Variants in HTT observed in about 807,000 individuals in gnomAD.
HTT encodes the protein huntington disease protein.
Under a neutral mutation model 362.3 loss-of-function variants are expected in HTT, and 104 were observed. That is an observed-to-expected ratio of 0.29 (90% CI 0.24 to 0.34). HTT has a LOEUF of 0.34. Ranked by LOEUF, HTT falls within the 10% of genes least tolerant of loss-of-function variation. HTT has a pLI of 1.00. For missense variants in HTT, 3,301 were observed against 3,928.6 expected, an observed-to-expected ratio of 0.84 and a Z score of 4.27; for synonymous variants, 1,577 against 1,548.7, an observed-to-expected ratio of 1.02 and a Z score of -0.43.
chr4:3,229,468 C>T (rs1721120727), intron 59 of HTT, among the ~76,000 whole-genome samples: 1 of 148,008 alleles, frequency 6.8e-6, no homozygotes, highest in Non-Finnish European at 1.5e-5. Flanking sequence ...TGTGCATGCA[C>T]CAGACACATG....
chr4:3,211,626 T>C (rs778840675), intron 47 of HTT, among the ~76,000 whole-genome samples: 1 of 152,152 alleles, frequency 6.6e-6, no homozygotes, highest in Non-Finnish European at 1.5e-5. Flanking sequence ...TTTTTATGAA[T>C]TAAAATTGTC....
Position 3,228,918 on chromosome 4 carries a change from A to G in HTT, c.8018A>G (p.Gln2673Arg), listed in dbSNP as rs1397035194. The change falls in exon 59 of 67, where the codon CAG (glutamine) becomes CGG (arginine). Residue 2673 changes from glutamine (Q) to arginine (R), a missense_variant. Coordinates refer to ENST00000355072, the MANE Select transcript of HTT (RefSeq NM_001388492.1). This position sits in a 1 kb window ranked among gnomAD's most constrained non-coding sequence, Gnocchi z 4.3. ...RAGVDIHSCS[Q>R]FLLELYSRWI... ...GGAGTTGACATCCACTCCTGTTCGC[A>G]GTTTTTGCTTGAGTTGTACAGCCGC... 1 of 1,613,756 alleles carries G rather than the reference A, an allele frequency of 6.2e-7. No individual in the cohort carries two copies. Among genetic ancestry groups the G allele is most frequent in the Non-Finnish European group, 8.5e-7 (1 of 1,179,804 alleles).
intron 40 of HTT, among the ~76,000 whole-genome samples, chr4:3,195,570 T>C (rs893986159): frequency 6.6e-6 from 1 of 152,042 alleles, no homozygotes; most frequent in African/African-American, 2.4e-5. Context: ...CTCGGGACCC[T>C]AGGAAGGGAG....
rs772429544 is a variant in HTT at position 3,074,945 on chromosome 4, ACCGCCG to A, written c.138_143del (p.Pro48_Pro49del). ...AGCAGCAGCAGCAGCAACAGCCGCC[ACCGCCG>A]CCGCCGCCGCCGCCGCCTCCTCAGC... On this transcript the variant is annotated inframe_deletion, in exon 1 of 67. Coordinates refer to ENST00000355072, the MANE Select transcript of HTT (RefSeq NM_001388492.1). 9.2e-5 allele frequency: 112 copies of A among 1,214,982 alleles called. 1 individual carries two copies. Among genetic ancestry groups the A allele is most frequent in the South Asian group, 1.6e-4 (12 of 73,254 alleles). The allele number at this position is 1,214,982 out of a possible 1,614,324, so 75.3% of individuals were successfully genotyped here. A position where few individuals can be genotyped will look rare whatever the true frequency, so the allele number is the denominator to read the frequency against.
In HTT at chr4:3,132,708, A is replaced by G. The variant is rs1195871692; in HGVS notation, c.2383A>G (p.Arg795Gly). Residue 795 changes from arginine (R) to glycine (G), a missense_variant, in exon 17 of 67, where the codon AGA becomes GGA. Physicochemically the swap from Arg to Gly is moderately radical, Grantham distance 125 (BLOSUM62 -2). This residue lies in a region of HTT where 2,316 missense variants were observed against 2,658.5 expected (regional missense o/e 0.87). Transcript: ENST00000355072. ...CGTGGGAGATTGGATGGGCACCATT[A>G]GAACCCTCACAGGTAACGGCCAGTT... ...FHVGDWMGTIRTLTGNTFSLA... is the reference protein window; with the variant it reads ...FHVGDWMGTIGTLTGNTFSLA... The G allele has an allele frequency of 1.2e-5, 20 of 1,614,128 alleles. No homozygotes were observed. The East Asian group carries it at 4.0e-4, about 32-fold the overall frequency.
At chr4:3,201,731 G>A (rs1719543462) in intron 41 of HTT, among the ~76,000 whole-genome samples, 1 of 152,172 alleles carries the variant, frequency 6.6e-6, no homozygotes, top group South Asian at 2.1e-4. Flanking sequence ...ATAGAGAGCA[G>A]AGCTGTTCTG....
Position 3,230,055 on chromosome 4 carries a change from T to C in HTT, c.8265+13T>C. On this transcript the variant is annotated intron_variant, in intron 60 of 66. Transcript: ENST00000355072. Reference sequence around the variant, plus strand: ...CGTCCTTGGGATGGTAAGTGACAGGTGGCACAGAGGTTTCTGTGCTGAAGC... The same window carrying C: ...CGTCCTTGGGATGGTAAGTGACAGGCGGCACAGAGGTTTCTGTGCTGAAGC... 1 of 1,612,566 alleles carries C rather than the reference T, an allele frequency of 6.2e-7. No homozygotes were observed. The highest frequency in any genetic ancestry group is 2.2e-5 in the East Asian group (1 of 44,874).
intron 30 of HTT, 146 bp downstream of exon 30, chr4:3,172,543 A>C (rs1403173357): frequency 2.0e-5 from 14 of 698,750 alleles, no homozygotes; most frequent in South Asian, 1.3e-4. Flanking sequence ...TCAGTCCATG[A>C]TTGAGCCAAG....
Position 3,209,946 on chromosome 4 carries a change from C to A in HTT, c.6411C>A (p.Asn2137Lys), listed in dbSNP as rs753152305. The change falls in exon 47 of 67, where the codon AAC becomes AAA. Residue 2137 changes from asparagine (N) to lysine (K), a missense_variant. Asn to Lys is a moderately conservative substitution (Grantham distance 94, BLOSUM62 0). Around this residue, in one of 4 missense-constraint regions of HTT, gnomAD observed 2,316 missense variants for 2,658.5 expected, o/e 0.87. Transcript: ENST00000355072. Reference protein sequence around the residue: ...PAEDMNAFMMNSEFNLSLLAP... With the variant: ...PAEDMNAFMMKSEFNLSLLAP... ...AAGATATGAATGCCTTCATGATGAA[C>A]TCGGTACGGGGGGAGCAGTGGAGGC... The A allele has an allele frequency of 6.2e-7, 1 of 1,613,772 alleles. No homozygotes were observed. The highest frequency in any genetic ancestry group is 8.5e-7 in the Non-Finnish European group (1 of 1,179,804).
chr4:3,190,355 C>CA (rs112330064), intron 40 of HTT, among the ~76,000 whole-genome samples: 3,519 of 132,046 alleles, frequency 0.027, 91 homozygotes, highest in African/African-American at 0.072. Flanking sequence ...AAAAAAAATC[C>CA]AAAAAAAAAA....
At position 3,154,366 on chromosome 4, in the gene HTT, G is replaced by C; in HGVS notation, c.3572G>C (p.Gly1191Ala). The change falls in exon 27 of 67, where the codon GGA becomes GCA. Residue 1191 changes from glycine to alanine, a missense_variant. By Grantham distance (60) the Gly-to-Ala change is moderately conservative (BLOSUM62 0). Transcript: ENST00000355072. ...IRRKGKEKEP[G>A]EQASVPLSPK... The stretch of plus-strand genomic sequence containing the variant: ...CGAAAGGGGAAGGAGAAAGAACCAG[G>C]AGAACAAGCATCTGTACCGTTGAGT... 1 of 1,613,844 alleles carries C rather than the reference G, an allele frequency of 6.2e-7. No individual in the cohort carries two copies. Among genetic ancestry groups the C allele is most frequent in the Non-Finnish European group, 8.5e-7 (1 of 1,179,874 alleles).
intron 20 of HTT, 118 bp downstream of exon 20, chr4:3,136,085 A>T: frequency 1.1e-6 from 1 of 917,228 alleles, no homozygotes; most frequent in Non-Finnish European, 1.7e-6. Flanking sequence ...TTCACAGTTT[A>T]TATCATGAAA....
In HTT at chr4:3,220,318, G is replaced by A; in HGVS notation, c.7369+10G>A. ...CGCATCAACACACTAGGTACTCTTGGGGCCTCTCCTTCAGGTCACCATTGT... is the reference window on the plus strand; with the variant it reads ...CGCATCAACACACTAGGTACTCTTGAGGCCTCTCCTTCAGGTCACCATTGT... On this transcript the variant is annotated intron_variant, in intron 53 of 66. Transcript: ENST00000355072. 1 of 1,609,828 alleles carries A rather than the reference G, an allele frequency of 6.2e-7. No homozygotes were observed. Among genetic ancestry groups the A allele is most frequent in the African/African-American group, 1.3e-5 (1 of 74,982 alleles).
chr4:3,225,678 G>A lies in HTT; in HGVS notation c.7783G>A (p.Glu2595Lys), dbSNP rs752505044. Reference sequence around the variant, plus strand: ...GTTCACAGGTGCCCTCATCAGCCACGAGAAGCTGCTGCTACAGATCAACCC... The same window carrying A: ...GTTCACAGGTGCCCTCATCAGCCACAAGAAGCTGCTGCTACAGATCAACCC... ...PATTGALISH[E>K]KLLLQINPER... Residue 2595 changes from glutamate to lysine, a missense_variant, in exon 57 of 67, where the codon GAG becomes AAG. This residue lies in a region of HTT where 753 missense variants were observed against 1,021.3 expected (regional missense o/e 0.74). Transcript: ENST00000355072. 5.6e-6 allele frequency: 9 copies of A among 1,614,076 alleles called. No individual in the cohort carries two copies. In the Admixed American group the frequency reaches 1.3e-4, roughly 24 times the overall value.
rs768427619 is a variant in HTT at position 3,199,859 on chromosome 4, G to C, written c.5496G>C (p.Leu1832=). The C allele has an allele frequency of 6.2e-7, 1 of 1,614,118 alleles. No homozygotes were observed. Residue 1832 remains leucine, a synonymous_variant, in exon 41 of 67, where the codon CTG becomes CTC. Transcript: ENST00000355072. ...ARSMITTHPA[L]VLLWCQILLL... is the part of the protein sequence containing the mutation. ...CCATGATCACCACCCACCCGGCCCTGGTGCTGCTCTGGTGTCAGATACTGC... is the reference window on the plus strand; with the variant it reads ...CCATGATCACCACCCACCCGGCCCTCGTGCTGCTCTGGTGTCAGATACTGC...
chr4:3,228,558 C>G lies in HTT; in HGVS notation c.7849-57C>G. ...CTGAGTCCCAGTGGCCACACCCACC[C>G]ACCAGGAGCCTGGCACTGTGGCCGC... On this transcript the variant is annotated intron_variant, in intron 57 of 66. Coordinates refer to ENST00000355072, the MANE Select transcript of HTT (RefSeq NM_001388492.1). This position sits in a 1 kb window ranked among gnomAD's most constrained non-coding sequence, Gnocchi z 4.3. 1 of 1,508,106 alleles carries G rather than the reference C, an allele frequency of 6.6e-7. No homozygotes were observed. Among genetic ancestry groups the G allele is most frequent in the Non-Finnish European group, 8.9e-7 (1 of 1,128,128 alleles). 93.4% of individuals were successfully genotyped at this position (1,508,106 alleles called of 1,614,324 possible). A position where few individuals can be genotyped will look rare whatever the true frequency, so the allele number is the denominator to read the frequency against.
Position 3,154,432 on chromosome 4 carries a change from G to T in HTT, c.3625+13G>T, listed in dbSNP as rs201492983. On this transcript the variant is annotated intron_variant, in intron 27 of 66. Coordinates refer to ENST00000355072, the MANE Select transcript of HTT (RefSeq NM_001388492.1). ...GAGGCCAGTGCAGGTAGGAAACAGCGTGGGGAAGGGAGGGACATGAGTGCA... is the reference window on the plus strand; with the variant it reads ...GAGGCCAGTGCAGGTAGGAAACAGCTTGGGGAAGGGAGGGACATGAGTGCA... The T allele has an allele frequency of 1.2e-6, 2 of 1,612,684 alleles. No homozygotes were observed. Among genetic ancestry groups the T allele is most frequent in the East Asian group, 2.2e-5 (1 of 44,886 alleles).
chr4:3,216,957 G>A (rs1365952359), intron 51 of HTT, among the ~76,000 whole-genome samples: 10 of 150,952 alleles, frequency 6.6e-5, no homozygotes, highest in Admixed American at 1.3e-4. Context: ...CCCGGGAGGC[G>A]GAGCTTGCAG....
In HTT at chr4:3,160,271, A is replaced by T. The variant is rs1191640253; in HGVS notation, c.3754-11A>T. On this transcript the variant is annotated splice_polypyrimidine_tract_variant and intron_variant, in intron 28 of 66. Transcript: ENST00000355072. ...CCAGTAACCGTGTGTTCTCTCCTTCACCTTCCCAAGGTCACGCTGGATCTT... is the reference window on the plus strand; with the variant it reads ...CCAGTAACCGTGTGTTCTCTCCTTCTCCTTCCCAAGGTCACGCTGGATCTT... The T allele has an allele frequency of 6.5e-7, 1 of 1,528,418 alleles. No homozygotes were observed. Among genetic ancestry groups the T allele is most frequent in the South Asian group, 1.2e-5 (1 of 83,640 alleles). 94.7% of individuals were successfully genotyped at this position (1,528,418 alleles called of 1,614,324 possible). A position where few individuals can be genotyped will look rare whatever the true frequency, so the allele number is the denominator to read the frequency against.
Sources: allele counts gnomAD v4.1 joint callset (sites outside exome capture counted in the v4.1 genomes callset), GRCh38; gene constraint gnomAD v4.1.1; regional missense constraint gnomAD v4.1.1; non-coding constraint Gnocchi (gnomAD v3.1); transcripts MANE v1.5; gene names NCBI Gene and HGNC (gene_info 2026-07-23, HGNC 2026-07-21).